Variants in SP100 observed in about 807,000 individuals in gnomAD.
The protein encoded by SP100 is SP100 nuclear body protein.
In SP100, 84 loss-of-function variants were observed where a neutral mutation model predicts 130.0. The ratio of observed to expected loss-of-function variants is 0.65; its 90% CI spans 0.54 to 0.77. SP100 has a LOEUF of 0.77. Ranked by LOEUF, SP100 falls within the 30% of genes least tolerant of loss-of-function variation. SP100 has a pLI of 0.00. For synonymous variants in SP100, 331 were observed against 351.7 expected, an observed-to-expected ratio of 0.94 and a Z score of 0.66; for missense variants, 978 against 1,052.2, an observed-to-expected ratio of 0.93 and a Z score of 0.97.
At chr2:230,526,753 A>G (rs893579166) in intron 24 of SP100, among the ~76,000 whole-genome samples, 41 of 152,238 alleles carry the variant, frequency 2.7e-4, no homozygotes, top group Non-Finnish European at 8.8e-5. Flanking sequence ...GCTGAAAACC[A>G]TGGCACGAGA....
At chr2:230,477,647 G>A (rs1427338496) in intron 17 of SP100, among the ~76,000 whole-genome samples, 3 of 152,064 alleles carry the variant, frequency 2.0e-5, no homozygotes, top group Non-Finnish European at 4.4e-5. Context: ...GTAATTGAAG[G>A]CACTACAGAA....
At chr2:230,501,532 C>A (rs1352251439) in intron 19 of SP100, among the ~76,000 whole-genome samples, 1 of 152,104 alleles carries the variant, frequency 6.6e-6, no homozygotes, top group Admixed American at 6.6e-5. Context: ...ATGACAGAGG[C>A]CCAGAAAATA....
Position 230,444,382 on chromosome 2 carries a change from G to T in SP100, c.439+36G>T, listed in dbSNP as rs368432147. On this transcript the variant is annotated intron_variant, in intron 4 of 28. Transcript: ENST00000340126. ...TTATTATCTACCTTTTTATTTCCAG[G>T]GCCAAGTTTTTTCAATAAGTATATA... 300 of 1,570,658 alleles carry T rather than the reference G, an allele frequency of 1.9e-4. 2 individuals carry two copies. The highest frequency in any genetic ancestry group is 1.7e-4 in the Middle Eastern group (1 of 5,986).
intron 24 of SP100, among the ~76,000 whole-genome samples, chr2:230,514,749 C>T (rs533303242): frequency 7.6e-4 from 116 of 152,292 alleles, no homozygotes; most frequent in African/African-American, 2.7e-3. Context: ...ATTAGACTTT[C>T]AAAAGCTTCT....
intron 2 of SP100, among the ~76,000 whole-genome samples, chr2:230,438,692 G>GGA (rs1553634682): frequency 4.2e-5 from 5 of 117,914 alleles, no homozygotes; most frequent in African/African-American, 6.3e-5. Flanking sequence ...CACACATATG[G>GGA]TATATATATA....
chr2:230,445,911 C>A (rs3820977), intron 4 of SP100, among the ~76,000 whole-genome samples: 6 of 152,028 alleles, frequency 3.9e-5, no homozygotes, highest in Non-Finnish European at 8.8e-5. Flanking sequence ...CACCACCCAC[C>A]GCCCCACCCA....
rs1306805013 is a variant in SP100 at position 230,504,158 on chromosome 2, G to C, written c.1766-28G>C. On this transcript the variant is annotated intron_variant, in intron 20 of 28. Coordinates refer to ENST00000340126, the MANE Select transcript of SP100 (RefSeq NM_001080391.2). ...CAATGCACAGTTGTAAAAGTAGATG[G>C]AATGGAAAAAAAAATGCTTCCTTGC... 6 of 1,307,022 alleles carry C rather than the reference G, an allele frequency of 4.6e-6. No individual in the cohort carries two copies. In the South Asian group the frequency reaches 7.2e-5, roughly 16 times the overall value. 81.0% of individuals were successfully genotyped at this position (1,307,022 alleles called of 1,614,324 possible).
At chr2:230,462,683 G>T (rs532124556) in intron 10 of SP100, 165 bp downstream of exon 10, 2 of 610,878 alleles carry the variant, frequency 3.3e-6, no homozygotes, top group East Asian at 5.7e-5. Context: ...AAAATGCAGG[G>T]AGACAAGAAA....
intron 5 of SP100, among the ~76,000 whole-genome samples, chr2:230,448,111 G>A (rs987035731): frequency 1.3e-5 from 2 of 152,156 alleles, no homozygotes; most frequent in Non-Finnish European, 2.9e-5. Flanking sequence ...TTATATCACG[G>A]GAGAAACTTG....
At chr2:230,474,099 G>A (rs1395521032) in intron 16 of SP100, among the ~76,000 whole-genome samples, 1 of 152,150 alleles carries the variant, frequency 6.6e-6, no homozygotes, top group Admixed American at 6.5e-5. Flanking sequence ...TTGCAAGTAA[G>A]ATATTTAATA....
At chr2:230,514,983 C>T in intron 24 of SP100, 2 of 1,534,770 alleles carry the variant, frequency 1.3e-6, no homozygotes, top group Non-Finnish European at 1.7e-6. Context: ...TGGACAGGCC[C>T]TGGGCGACTC....
intron 24 of SP100, among the ~76,000 whole-genome samples, chr2:230,513,314 G>A (rs562671918): frequency 3.4e-4 from 52 of 152,266 alleles, no homozygotes; most frequent in African/African-American, 1.2e-3. Flanking sequence ...CTAAGATCCA[G>A]AAATAAATCA....
intron 17 of SP100, among the ~76,000 whole-genome samples, chr2:230,492,703 C>T (rs187885181): frequency 6.6e-6 from 1 of 152,226 alleles, no homozygotes; most frequent in East Asian, 1.9e-4. Flanking sequence ...TTATTTTTGT[C>T]CTTTTGCCAG....
At chr2:230,440,602 A>C (rs1418464714) in intron 2 of SP100, 1 of 1,348,738 alleles carries the variant, frequency 7.4e-7, no homozygotes, top group East Asian at 3.0e-5. Flanking sequence ...TTGGAAGCTC[A>C]ATGTTGTTGT....
intron 19 of SP100, among the ~76,000 whole-genome samples, chr2:230,501,110 C>T (rs575949143): frequency 9.2e-4 from 140 of 152,062 alleles, no homozygotes; most frequent in African/African-American, 3.1e-3. Context: ...GGTGTGGTGG[C>T]GCACACCTAT....
chr2:230,517,917 T>G (rs1691000165), intron 24 of SP100, among the ~76,000 whole-genome samples: 1 of 152,138 alleles, frequency 6.6e-6, no homozygotes, highest in African/African-American at 2.4e-5. Flanking sequence ...ATTTTTAATA[T>G]CAAATCTCAA....
intron 17 of SP100, among the ~76,000 whole-genome samples, chr2:230,483,762 T>G (rs2065940837): frequency 1.3e-5 from 2 of 152,178 alleles, no homozygotes; most frequent in African/African-American, 4.8e-5. Flanking sequence ...ATACAGTCAA[T>G]TCTCATTATT....
chr2:230,482,368 G>T (rs548202266), intron 17 of SP100, among the ~76,000 whole-genome samples: 1 of 152,208 alleles, frequency 6.6e-6, no homozygotes, highest in East Asian at 1.9e-4. Context: ...CAAGAGTGAG[G>T]CTCAGTTGAC....
At chr2:230,471,854 A>C (rs1440966412) in intron 15 of SP100, among the ~76,000 whole-genome samples, 2 of 152,214 alleles carry the variant, frequency 1.3e-5, no homozygotes, top group East Asian at 3.8e-4. Context: ...CAAGGAATTC[A>C]AATATTCCAG....
Sources: allele counts gnomAD v4.1 joint callset (sites outside exome capture counted in the v4.1 genomes callset), GRCh38; gene constraint gnomAD v4.1.1; transcripts MANE v1.5; gene names NCBI Gene and HGNC (gene_info 2026-07-23, HGNC 2026-07-21).